NRG1: variants seen among roughly 807,000 people sequenced by gnomAD.
NRG1 encodes the protein neuregulin 1.
Under a neutral mutation model 63.8 loss-of-function variants are expected in NRG1, and 18 were observed. The observed-to-expected ratio is 0.28, with a 90% CI of 0.19 to 0.42. The LOEUF is 0.42. NRG1 is among the 10% of genes least tolerant of loss of function. The pLI, the probability that NRG1 is intolerant of heterozygous loss-of-function variation, is 1.00. For synonymous variants in NRG1, 302 were observed against 301.3 expected (o/e 1.00, Z -0.02); for missense variants, 762 against 814.7 (o/e 0.94, Z 0.79).
At chr8:32,707,538 T>C (rs1343880926) in intron 5 of NRG1, among the ~76,000 whole-genome samples, 4 of 152,118 alleles carry the variant, frequency 2.6e-5, no homozygotes, top group African/African-American at 2.4e-5. Context: ...CAGTTATATT[T>C]CATTCCAAAG....
At chr8:32,356,945 G>A (rs1806518119) in intron 1 of NRG1, among the ~76,000 whole-genome samples, 1 of 152,220 alleles carries the variant, frequency 6.6e-6, no homozygotes, top group African/African-American at 2.4e-5. Context: ...GGAAAGGTCT[G>A]TTGGTGAAAA....
At chr8:32,107,461 TG>T (rs1831434515) in intron 1 of NRG1, among the ~76,000 whole-genome samples, 1 of 152,180 alleles carries the variant, frequency 6.6e-6, no homozygotes, top group African/African-American at 2.4e-5. Flanking sequence ...AGAATTTTCA[TG>T]GGGAAAATAA....
chr8:32,494,515 C>CG (rs1826963488), intron 1 of NRG1, among the ~76,000 whole-genome samples: 1 of 151,986 alleles, frequency 6.6e-6, no homozygotes, highest in Non-Finnish European at 1.5e-5. Flanking sequence ...CCATCTCACT[C>CG]GGGGGAGGGG....
intron 1 of NRG1, among the ~76,000 whole-genome samples, chr8:31,824,671 C>G (rs1375493461): frequency 6.6e-6 from 1 of 152,196 alleles, no homozygotes; most frequent in Non-Finnish European, 1.5e-5. Flanking sequence ...TATGTTTCTG[C>G]AGATGCATGT....
intron 1 of NRG1, among the ~76,000 whole-genome samples, chr8:31,982,306 CAT>C (rs1809265635): frequency 6.6e-6 from 1 of 151,934 alleles, no homozygotes; most frequent in African/African-American, 2.4e-5. Flanking sequence ...AAGTGAGTAA[CAT>C]AGATTTGAAA....
At chr8:32,682,326 A>G (rs1375448110) in intron 5 of NRG1, among the ~76,000 whole-genome samples, 1 of 152,188 alleles carries the variant, frequency 6.6e-6, no homozygotes, top group Non-Finnish European at 1.5e-5. Flanking sequence ...TTATTTACAT[A>G]TTATTAAAAA....
chr8:31,679,516 G>A (rs1325281268), intron 1 of NRG1, among the ~76,000 whole-genome samples: 1 of 152,046 alleles, frequency 6.6e-6, no homozygotes, highest in Non-Finnish European at 1.5e-5. Flanking sequence ...TGTAAAAACT[G>A]CATTCCATAA....
intron 1 of NRG1, among the ~76,000 whole-genome samples, chr8:31,907,146 A>G (rs1409126756): frequency 3.3e-5 from 5 of 152,084 alleles, no homozygotes; most frequent in African/African-American, 1.2e-4. Flanking sequence ...AAAGCTCTTG[A>G]TATACTCTCC....
intron 1 of NRG1, among the ~76,000 whole-genome samples, chr8:32,044,820 A>G (rs1166005369): frequency 6.6e-6 from 1 of 150,442 alleles, no homozygotes; most frequent in African/African-American, 2.4e-5. Flanking sequence ...TGTTTGGAAT[A>G]AAATTTATTA....
intron 1 of NRG1, among the ~76,000 whole-genome samples, chr8:32,181,048 T>C (rs10109226): frequency 0.021 from 3,265 of 152,286 alleles, 124 homozygotes; most frequent in African/African-American, 0.075. Flanking sequence ...GTAATGGTGC[T>C]GTTCATATTA....
intron 1 of NRG1, among the ~76,000 whole-genome samples, chr8:31,783,329 T>C (rs947170606): frequency 6.6e-6 from 1 of 152,182 alleles, no homozygotes; most frequent in African/African-American, 2.4e-5. Flanking sequence ...ATAGTTTTTT[T>C]GCTAAACAAA....
intron 1 of NRG1, among the ~76,000 whole-genome samples, chr8:32,578,255 A>G (rs1157718350): frequency 3.9e-5 from 6 of 152,230 alleles, no homozygotes; most frequent in Admixed American, 3.3e-4. Context: ...CAGCCTTCCA[A>G]AGTGCTGAGA....
chr8:32,385,791 A>C (rs1391504788), intron 1 of NRG1, among the ~76,000 whole-genome samples: 1 of 152,158 alleles, frequency 6.6e-6, no homozygotes, highest in Non-Finnish European at 1.5e-5. Context: ...CACAGATCCA[A>C]GCCATATCAC....
intron 1 of NRG1, among the ~76,000 whole-genome samples, chr8:31,852,871 T>C (rs1827402147): frequency 6.6e-6 from 1 of 152,240 alleles, no homozygotes. Context: ...TAGAGAATCC[T>C]TTCCCCATTG....
At chr8:32,559,524 A>G (rs950910382) in intron 1 of NRG1, among the ~76,000 whole-genome samples, 1 of 152,078 alleles carries the variant, frequency 6.6e-6, no homozygotes, top group Non-Finnish European at 1.5e-5. Flanking sequence ...CTAAGTACCA[A>G]ATTTGCAGAT....
intron 1 of NRG1, among the ~76,000 whole-genome samples, chr8:31,867,088 C>T (rs1240170091): frequency 6.6e-6 from 1 of 152,142 alleles, no homozygotes; most frequent in Non-Finnish European, 1.5e-5. Context: ...TAGCCTTTTA[C>T]CTCTTCTTTT....
chr8:32,491,215 T>C (rs1033587008), intron 1 of NRG1, among the ~76,000 whole-genome samples: 1 of 152,204 alleles, frequency 6.6e-6, no homozygotes, highest in African/African-American at 2.4e-5. Flanking sequence ...TTATTGTGGC[T>C]ACTATTGAAA....
intron 5 of NRG1, among the ~76,000 whole-genome samples, chr8:32,672,098 G>A (rs1170549264): frequency 6.6e-6 from 1 of 151,372 alleles, no homozygotes; most frequent in African/African-American, 2.4e-5. Context: ...AGGCTGGAGT[G>A]CAGTGGCACA....
At chr8:32,442,905 A>T (rs1305146783) in intron 1 of NRG1, among the ~76,000 whole-genome samples, 1 of 151,876 alleles carries the variant, frequency 6.6e-6, no homozygotes, top group Non-Finnish European at 1.5e-5. Flanking sequence ...GTTGGATACA[A>T]CAACTATGAG....
Sources: allele counts gnomAD v4.1 joint callset (sites outside exome capture counted in the v4.1 genomes callset), GRCh38; gene constraint gnomAD v4.1.1; transcripts MANE v1.5; gene names NCBI Gene and HGNC (gene_info 2026-07-23, HGNC 2026-07-21).